FNBP1: variants seen among roughly 807,000 people sequenced by gnomAD.
The protein encoded by FNBP1 is formin-binding protein 1.
FNBP1 carries 26 observed loss-of-function variants against 90.6 expected under a neutral mutation model. The ratio of observed to expected loss-of-function variants is 0.29; its 90% confidence interval spans 0.21 to 0.40. The LOEUF (loss-of-function observed/expected upper bound fraction) is 0.40. FNBP1 is among the 10% of genes least tolerant of loss of function. The pLI is 1.00. For synonymous variants in FNBP1, 260 were observed against 265.2 expected (o/e 0.98, Z 0.19); for missense variants, 635 against 768.0 (o/e 0.83, Z 2.05).
chr9:129,932,039 C>T (rs2042831823), intron 6 of FNBP1, among the ~76,000 whole-genome samples: 2 of 151,552 alleles, frequency 1.3e-5, no homozygotes, highest in South Asian at 2.1e-4. Context: ...GGTGAAACCC[C>T]GTCTCTACTA....
At chr9:130,012,382 C>T (rs2056725191) in intron 1 of FNBP1, among the ~76,000 whole-genome samples, 1 of 152,132 alleles carries the variant, frequency 6.6e-6, no homozygotes, top group Non-Finnish European at 1.5e-5. Context: ...TTAATGCTAT[C>T]ATTTTCATCA....
At chr9:130,053,774 G>A in the FNBP1 span, 765 of 672,238 alleles carry the variant, frequency 1.1e-3, 1 homozygote, top group Non-Finnish European at 1.7e-3. Flanking sequence ...GGGCAGCACA[G>A]GCTCCTCGAC....
At chr9:129,984,980 T>G (rs2051927308) in intron 2 of FNBP1, among the ~76,000 whole-genome samples, 2 of 152,086 alleles carry the variant, frequency 1.3e-5, no homozygotes, top group African/African-American at 4.8e-5. Context: ...GAAAATGGAC[T>G]AATACAATTA....
Position 129,889,862 on chromosome 9 carries a change from GTGTA to G in FNBP1, c.*673_*676del, listed in dbSNP as rs1564238641. On this transcript the variant is annotated 3_prime_UTR_variant, in exon 17 of 17. Coordinates refer to ENST00000446176, the MANE Select transcript of FNBP1 (RefSeq NM_015033.3). ...AAAACAGGGCGTCAAACCAAAATGT[GTGTA>G]TGCGCACGCGTGTGTACTGGTGGGT... 4.3e-6 allele frequency: 1 copy of G among 233,372 alleles called. No homozygotes were observed. The highest frequency in any genetic ancestry group is 8.5e-6 in the Non-Finnish European group (1 of 118,060). 14.5% of individuals were successfully genotyped at this position (233,372 alleles called of 1,614,324 possible).
intron 1 of FNBP1, among the ~76,000 whole-genome samples, chr9:130,008,016 T>C (rs558570808): frequency 7.5e-6 from 1 of 133,046 alleles, no homozygotes; most frequent in South Asian, 2.4e-4. Flanking sequence ...AAAAAAAAAT[T>C]AAACTGCTTA....
chr9:129,938,541 C>CTTTT (rs77369142), intron 6 of FNBP1, among the ~76,000 whole-genome samples: 17 of 140,652 alleles, frequency 1.2e-4, no homozygotes, highest in Admixed American at 2.9e-4. Context: ...TTTCCTGACT[C>CTTTT]TTTTTTTTTT....
rs2034992229 is a variant in FNBP1, at chr9:129,890,442, G to A, written c.*97C>T. On this transcript the variant is annotated 3_prime_UTR_variant, in exon 17 of 17. Coordinates refer to ENST00000446176, the MANE Select transcript of FNBP1 (RefSeq NM_015033.3). This position sits in a 1 kb window ranked among gnomAD's most constrained non-coding sequence, Gnocchi z 5.8. ...CCCGCAGGGATGGGGCTGCGGAGGG[G>A]TGGGCTGTCCACAGGGCAGGGCGCT... is the stretch of plus-strand genomic sequence containing the variant. The A allele has an allele frequency of 3.1e-6, 3 of 975,888 alleles. No individual in the cohort carries two copies. The highest frequency in any genetic ancestry group is 1.4e-5 in the South Asian group (1 of 72,378). 60.5% of individuals were successfully genotyped at this position (975,888 alleles called of 1,614,324 possible). A position where few individuals can be genotyped will look rare whatever the true frequency, so the allele number is the denominator to read the frequency against.
intron 1 of FNBP1, among the ~76,000 whole-genome samples, chr9:130,030,549 C>T (rs2058715277): frequency 6.6e-6 from 1 of 152,088 alleles, no homozygotes; most frequent in Non-Finnish European, 1.5e-5. Context: ...AGACTCTATT[C>T]TAACTGTAAC....
chr9:129,934,612 C>T (rs2043178857), intron 6 of FNBP1, among the ~76,000 whole-genome samples: 1 of 151,456 alleles, frequency 6.6e-6, no homozygotes, highest in Admixed American at 6.6e-5. Flanking sequence ...CACTCTGTCG[C>T]CCAGGCTGGA....
chr9:130,008,378 T>A (rs1328980436), intron 1 of FNBP1, among the ~76,000 whole-genome samples: 1 of 151,990 alleles, frequency 6.6e-6, no homozygotes, highest in Non-Finnish European at 1.5e-5. Flanking sequence ...CCACCTAATT[T>A]TTTAAATAGT....
intron 2 of FNBP1, 149 bp from the exon 3 acceptor site, chr9:129,979,523 G>A: frequency 1.7e-6 from 1 of 603,796 alleles, no homozygotes; most frequent in Non-Finnish European, 2.9e-6. Context: ...CTTTCAACAT[G>A]TGTGATGAAG....
At chr9:129,905,061 A>G (rs7856609) in intron 12 of FNBP1, among the ~76,000 whole-genome samples, 81,019 of 151,184 alleles carry the variant, frequency 0.54, 22,064 homozygotes, top group East Asian at 0.78. Flanking sequence ...AATGTTGTCC[A>G]CCCTTATGAT....
In FNBP1 at chr9:129,887,401, A is replaced by G. The variant is rs984706443; in HGVS notation, c.*3138T>C. ...TACGAACATTTTAAAGGTGCTCAAC[A>G]TCAGGTTAAAATAGAATTCTGGACC... On this transcript the variant is annotated 3_prime_UTR_variant, in exon 17 of 17. Transcript: ENST00000446176. 4 of 199,622 alleles carry G rather than the reference A, an allele frequency of 2.0e-5. No individual in the cohort carries two copies. The highest frequency in any genetic ancestry group is 4.1e-5 in the Non-Finnish European group (4 of 96,516). The allele number at this position is 199,622 out of a possible 1,614,324, so 12.4% of individuals were successfully genotyped here.
At chr9:130,025,080 T>G (rs1008157273) in intron 1 of FNBP1, among the ~76,000 whole-genome samples, 1 of 151,964 alleles carries the variant, frequency 6.6e-6, no homozygotes, top group Non-Finnish European at 1.5e-5. Context: ...CTCAGGAGAC[T>G]GAGGCAGGAG....
Position 129,889,129 on chromosome 9 carries a change from C to CA in FNBP1, c.*1409dup. Reference sequence around the variant, plus strand: ...AGATTAGGGGACCTCAGGTTTTCCTCAAAAACCCACACAGGGAAAGAAACT... The same window carrying CA: ...AGATTAGGGGACCTCAGGTTTTCCTCAAAAAACCCACACAGGGAAAGAAACT... On this transcript the variant is annotated 3_prime_UTR_variant, in exon 17 of 17. Coordinates refer to ENST00000446176, the MANE Select transcript of FNBP1 (RefSeq NM_015033.3). 4.5e-6 allele frequency: 1 copy of CA among 220,614 alleles called. No individual in the cohort carries two copies. The highest frequency in any genetic ancestry group is 1.9e-4 in the South Asian group (1 of 5,372). 13.7% of individuals were successfully genotyped at this position (220,614 alleles called of 1,614,324 possible).
chr9:129,919,119 T>C, intron 10 of FNBP1: 1 of 919,120 alleles, frequency 1.1e-6, no homozygotes, highest in Non-Finnish European at 1.5e-6. Flanking sequence ...TTAGTGGCTG[T>C]GCCATGACTG....
intron 16 of FNBP1, among the ~76,000 whole-genome samples, chr9:129,893,905 A>C: frequency 8.7e-6 from 1 of 114,746 alleles, no homozygotes; most frequent in African/African-American, 3.6e-5. Context: ...ACAGAGCGAG[A>C]CTCCATCTCA....
intron 1 of FNBP1, among the ~76,000 whole-genome samples, chr9:130,008,263 G>A (rs563132536): frequency 5.9e-5 from 9 of 151,836 alleles, no homozygotes; most frequent in Non-Finnish European, 5.9e-5. Flanking sequence ...GTGGGAGGAT[G>A]ACCTGGGCCT....
intron 4 of FNBP1, among the ~76,000 whole-genome samples, chr9:129,964,656 G>C (rs2048307247): frequency 2.7e-5 from 4 of 148,232 alleles, no homozygotes; most frequent in Non-Finnish European, 5.9e-5. Flanking sequence ...TAAGAAAAAC[G>C]ACAATGGCAA....
Sources: gnomAD v4.1 joint callset for allele counts (sites outside exome capture counted in the v4.1 genomes callset) on GRCh38, gnomAD v4.1.1 for gene constraint, Gnocchi (gnomAD v3.1) non-coding constraint, MANE v1.5 for transcripts, NCBI Gene and HGNC (gene_info 2026-07-23, HGNC 2026-07-21) for gene names.